The following HEPHL1 variants were observed in gnomAD, a reference collection of about 807,000 sequenced individuals.
HEPHL1 encodes the protein hephaestin like 1.
A neutral mutation model predicts 122.0 loss-of-function variants in HEPHL1; 123 were observed. The observed-to-expected ratio is 1.01, with a 90% CI of 0.87 to 1.17. The LOEUF is 1.17. HEPHL1 is among the 50% of genes most tolerant of loss of function. HEPHL1 has a pLI of 0.00. For synonymous variants in HEPHL1, 527 were observed against 508.9 expected, an observed-to-expected ratio of 1.04 and a Z score of -0.48; for missense variants, 1,452 against 1,430.5, an observed-to-expected ratio of 1.01 and a Z score of -0.24.
At chr11:94,062,276 A>T (rs10831162) in intron 2 of HEPHL1, among the ~76,000 whole-genome samples, 1 of 151,940 alleles carries the variant, frequency 6.6e-6, no homozygotes, top group African/African-American at 2.4e-5. Context: ...AATACTTTTC[A>T]TATGGGATTG....
chr11:94,103,138 T>A, intron 15 of HEPHL1, 118 bp downstream of exon 15: 1 of 670,204 alleles, frequency 1.5e-6, no homozygotes, highest in South Asian at 1.7e-5. Context: ...AGCAAGGGTC[T>A]CATACTATGG....
rs1369677662 is a variant in HEPHL1, at chr11:94,093,549, G to T, written c.2343G>T (p.Gln781His). Reference protein sequence around the residue: ...MNRTENWIGSQYKKVVYREYT... With the variant: ...MNRTENWIGSHYKKVVYREYT... ...GCACTGAAAATTGGATTGGCTCTCA[G>T]TACAAGAAGGTGGTTTACAGGGAAT... is the stretch of plus-strand genomic sequence containing the variant. The change falls in exon 13 of 20, where the codon CAG becomes CAT. Residue 781 changes from glutamine (Q) to histidine (H), a missense_variant. By Grantham distance (24) the Gln-to-His change is conservative. Transcript: ENST00000315765. The T allele has an allele frequency of 1.9e-6, 3 of 1,613,768 alleles. No homozygotes were observed. The highest frequency in any genetic ancestry group is 2.5e-6 in the Non-Finnish European group (3 of 1,179,818).
intron 18 of HEPHL1, 61 bp downstream of exon 18, chr11:94,111,126 CAGG>C (rs1356834544): frequency 1.4e-6 from 2 of 1,441,300 alleles, no homozygotes; most frequent in African/African-American, 2.9e-5. Context: ...ACCCCCAAAA[CAGG>C]AGGCATGACA....
chr11:94,037,061 C>T (rs899823589), intron 1 of HEPHL1, among the ~76,000 whole-genome samples: 39 of 152,258 alleles, frequency 2.6e-4, no homozygotes, highest in Admixed American at 2.6e-4. Flanking sequence ...ACCTGGGAAG[C>T]GCAAGGGGTC....
At chr11:94,077,559 C>A (rs1946136220) in intron 9 of HEPHL1, among the ~76,000 whole-genome samples, 1 of 152,094 alleles carries the variant, frequency 6.6e-6, no homozygotes, top group South Asian at 2.1e-4. Context: ...TAGTTATTTT[C>A]AAATGTACAA....
At chr11:94,047,717 C>A (rs1224983279) in intron 2 of HEPHL1, among the ~76,000 whole-genome samples, 1 of 152,086 alleles carries the variant, frequency 6.6e-6, no homozygotes, top group Non-Finnish European at 1.5e-5. Context: ...AAAATAGGGG[C>A]ATTTTTAAGT....
intron 1 of HEPHL1, among the ~76,000 whole-genome samples, chr11:94,034,775 T>C (rs1403736089): frequency 3.3e-5 from 5 of 152,180 alleles, no homozygotes; most frequent in Non-Finnish European, 7.3e-5. Flanking sequence ...CTGAATCCGA[T>C]ACCAAGGAAT....
intron 16 of HEPHL1, among the ~76,000 whole-genome samples, chr11:94,105,718 A>G (rs907923267): frequency 2.0e-5 from 3 of 152,188 alleles, no homozygotes; most frequent in Non-Finnish European, 4.4e-5. Flanking sequence ...TTCCCTTCAT[A>G]AAGAGATTAT....
intron 13 of HEPHL1, among the ~76,000 whole-genome samples, chr11:94,100,161 T>G (rs149995776): frequency 2.0e-3 from 308 of 152,258 alleles, no homozygotes; most frequent in African/African-American, 7.1e-3. Flanking sequence ...AACTACCCCC[T>G]AAGAATATTT....
intron 2 of HEPHL1, among the ~76,000 whole-genome samples, chr11:94,060,974 G>A (rs1945982086): frequency 1.3e-5 from 2 of 152,196 alleles, no homozygotes; most frequent in South Asian, 4.1e-4. Flanking sequence ...GACTAGGGAT[G>A]TGATGTTGGA....
intron 2 of HEPHL1, among the ~76,000 whole-genome samples, chr11:94,046,380 G>A (rs1257432944): frequency 1.3e-5 from 2 of 151,256 alleles, no homozygotes; most frequent in African/African-American, 2.4e-5. Context: ...TTACAGGCGT[G>A]AGCCACCATG....
At chr11:94,041,024 C>G (rs10831158) in intron 1 of HEPHL1, among the ~76,000 whole-genome samples, 29,329 of 81,408 alleles carry the variant, frequency 0.36, 6,008 homozygotes, top group Middle Eastern at 0.39. Context: ...CTTCAGCAAA[C>G]TCTCAGGATA....
chr11:94,111,516 G>A, intron 18 of HEPHL1, 21 bp from the exon 19 acceptor site: 1 of 1,563,664 alleles, frequency 6.4e-7, no homozygotes, highest in Admixed American at 1.8e-5. Flanking sequence ...ATAAAACAAT[G>A]AACTTGTTTT....
intron 13 of HEPHL1, among the ~76,000 whole-genome samples, chr11:94,098,660 C>T (rs1946340018): frequency 1.3e-5 from 2 of 152,280 alleles, no homozygotes; most frequent in Non-Finnish European, 1.5e-5. Context: ...CAGTCAGACG[C>T]AGATTTGGTC....
At chr11:94,059,940 G>A (rs183014624) in intron 2 of HEPHL1, among the ~76,000 whole-genome samples, 1 of 151,700 alleles carries the variant, frequency 6.6e-6, no homozygotes, top group African/African-American at 2.4e-5. Flanking sequence ...TCGAAACTTC[G>A]AGACAAGTCC....
chr11:94,086,802 G>T (rs1946222124), intron 11 of HEPHL1, among the ~76,000 whole-genome samples: 1 of 152,206 alleles, frequency 6.6e-6, no homozygotes, highest in African/African-American at 2.4e-5. Context: ...GATAATTGGG[G>T]CGTTTTCATA....
At chr11:94,058,207 A>G (rs906054563) in intron 2 of HEPHL1, among the ~76,000 whole-genome samples, 1 of 152,104 alleles carries the variant, frequency 6.6e-6, no homozygotes, top group Admixed American at 6.6e-5. Context: ...TACTCCTCTT[A>G]GCTGATGTTC....
In HEPHL1 at chr11:94,075,390, G is replaced by A. The variant is rs1387974285; in HGVS notation, c.1716+5G>A. 1.2e-6 allele frequency: 2 copies of A among 1,607,628 alleles called. No homozygotes were observed. Among genetic ancestry groups the A allele is most frequent in the Non-Finnish European group, 1.7e-6 (2 of 1,175,808 alleles). On this transcript the variant is annotated splice_donor_5th_base_variant and intron_variant, in intron 9 of 19. Coordinates refer to ENST00000315765, the MANE Select transcript of HEPHL1 (RefSeq NM_001098672.2). Reference sequence around the variant, plus strand: ...CTCAATGCTGATGGGACACAGGTAGGCCATTGAGTGTCACCAGTTCTTCTC... The same window carrying A: ...CTCAATGCTGATGGGACACAGGTAGACCATTGAGTGTCACCAGTTCTTCTC...
In HEPHL1 at chr11:94,093,096, GTGTA is replaced by G. The variant is rs989680273; in HGVS notation, c.2295-401_2295-398del. 3.7e-4 allele frequency among the ~76,000 whole-genome samples: 33 copies of G among 89,756 alleles called. No homozygotes were observed. In the Admixed American group the frequency reaches 3.7e-3, roughly 10 times the overall value. The allele number at this position is 89,756 out of a possible 152,430, so 58.9% of individuals were successfully genotyped here. A position where few individuals can be genotyped will look rare whatever the true frequency, so the allele number is the denominator to read the frequency against. On this transcript the variant is annotated intron_variant, in intron 12 of 19. Transcript: ENST00000315765. Reference sequence around the variant, plus strand: ...AAACTCAGGGTGGTAGAGGGTGGACGTGTATGTGTGTGTGTGTGTGTGTGTGTGT... The same window carrying G: ...AAACTCAGGGTGGTAGAGGGTGGACGTGTGTGTGTGTGTGTGTGTGTGTGT...
Sources: allele counts gnomAD v4.1 joint callset (sites outside exome capture counted in the v4.1 genomes callset), GRCh38; gene constraint gnomAD v4.1.1; transcripts MANE v1.5; gene names NCBI Gene and HGNC (gene_info 2026-07-23, HGNC 2026-07-21).